The following WDPCP variants were observed in gnomAD, a reference collection of about 807,000 sequenced individuals.
WDPCP encodes the protein WD repeat-containing and planar cell polarity effector protein fritz homolog.
A neutral mutation model predicts 93.1 loss-of-function variants in WDPCP; 71 were observed. The observed-to-expected ratio is 0.76, with a 90% CI of 0.63 to 0.93. The LOEUF (loss-of-function observed/expected upper bound fraction) is 0.93. WDPCP is among the 40% of genes least tolerant of loss of function. The probability of loss-of-function intolerance (pLI) is 0.00; values close to 1 mark genes in which losing one functional copy is unlikely to be tolerated. For synonymous variants in WDPCP, 315 were observed against 315.0 expected (o/e 1.00, Z 0.00); for missense variants, 844 against 887.4 (o/e 0.95, Z 0.62).
At chr2:63,548,458 T>C (rs1705318687) in intron 1 of WDPCP, among the ~76,000 whole-genome samples, 1 of 150,904 alleles carries the variant, frequency 6.6e-6, no homozygotes, top group Non-Finnish European at 1.5e-5. Flanking sequence ...TGAATGGCAA[T>C]CAGAAAAAAA....
In WDPCP at chr2:63,323,636, T is replaced by C. The variant is rs537875913; in HGVS notation, c.1749-10325A>G. On this transcript the variant is annotated intron_variant, in intron 12 of 17. Transcript: ENST00000272321. ...GGCATAACATCTTTATAGGACATGG[T>C]TAAGGTCCCAATACTAACAGGTGAA... 4.6e-5 allele frequency among the ~76,000 whole-genome samples: 7 copies of C among 152,262 alleles called. No homozygotes were observed. The South Asian group carries it at 1.5e-3, about 32-fold the overall frequency.
At chr2:63,255,881 A>G (rs932337371) in intron 14 of WDPCP, among the ~76,000 whole-genome samples, 2 of 152,098 alleles carry the variant, frequency 1.3e-5, no homozygotes, top group African/African-American at 4.8e-5. Flanking sequence ...ACAACAGTCA[A>G]TTGTATATAT....
At chr2:63,679,201 G>A (rs953948498) in intron 2 of WDPCP, among the ~76,000 whole-genome samples, 3 of 152,102 alleles carry the variant, frequency 2.0e-5, no homozygotes, top group African/African-American at 4.8e-5. Flanking sequence ...TTGGTTTAGA[G>A]GGAGTCATCC....
intron 2 of WDPCP, among the ~76,000 whole-genome samples, chr2:63,736,237 G>T (rs898874227): frequency 6.6e-6 from 1 of 152,174 alleles, no homozygotes; most frequent in African/African-American, 2.4e-5. Context: ...TCAAAATAAA[G>T]TGACTCTTTT....
chr2:63,589,170 G>T, upstream of WDPCP: 1 of 1,610,428 alleles, frequency 6.2e-7, no homozygotes, highest in Non-Finnish European at 8.5e-7. Flanking sequence ...CCTTTGGCAA[G>T]CTCGGACTCA....
At chr2:63,561,520 A>G (rs1706622471) in intron 1 of WDPCP, among the ~76,000 whole-genome samples, 1 of 152,042 alleles carries the variant, frequency 6.6e-6, no homozygotes, top group Non-Finnish European at 1.5e-5. Context: ...CAAAAGCAAA[A>G]ATTGACAAAT....
intron 1 of WDPCP, among the ~76,000 whole-genome samples, chr2:63,512,639 G>A (rs191862265): frequency 1.5e-3 from 225 of 152,166 alleles, no homozygotes; most frequent in Non-Finnish European, 2.6e-3. Flanking sequence ...AACTAACACA[G>A]CAAAAGAAAA....
chr2:63,216,625 G>C (rs1404628125), intron 14 of WDPCP, among the ~76,000 whole-genome samples: 2 of 151,736 alleles, frequency 1.3e-5, no homozygotes, highest in African/African-American at 2.4e-5. Flanking sequence ...GAGTTAATGG[G>C]TGCAGCACAC....
At chr2:63,821,134 A>G (rs1385469293) in intron 1 of WDPCP, among the ~76,000 whole-genome samples, 1 of 152,146 alleles carries the variant, frequency 6.6e-6, no homozygotes. Context: ...TGAGGAGTTC[A>G]CAGTTCTTCT....
rs377087864 is a variant in WDPCP, at chr2:63,287,238, T to C, written c.1812+26010A>G. On this transcript the variant is annotated intron_variant, in intron 13 of 17. Transcript: ENST00000272321. ...ATATAGTCACATTGAAGGTCAGGGC[T>C]TCAACATATGAACTGGGGAAGGGTG... is the stretch of plus-strand genomic sequence containing the variant. Among the ~76,000 whole-genome samples, 9 of 152,292 alleles carry C rather than the reference T, an allele frequency of 5.9e-5. No individual in the cohort carries two copies. In the South Asian group the frequency reaches 1.9e-3, roughly 32 times the overall value.
intron 2 of WDPCP, among the ~76,000 whole-genome samples, chr2:63,691,557 C>T (rs1429918273): frequency 1.3e-5 from 2 of 152,050 alleles, no homozygotes; most frequent in African/African-American, 2.4e-5. Context: ...ATCGCTTGAA[C>T]CTGGGGGGCG....
chr2:63,389,766 C>G (rs1044341295), intron 10 of WDPCP, among the ~76,000 whole-genome samples: 1 of 152,092 alleles, frequency 6.6e-6, no homozygotes, highest in East Asian at 1.9e-4. Flanking sequence ...ATAAAATAGA[C>G]TTTAAACCAA....
At chr2:63,540,005 A>G (rs1704590871) in intron 1 of WDPCP, among the ~76,000 whole-genome samples, 1 of 152,210 alleles carries the variant, frequency 6.6e-6, no homozygotes. Context: ...AGAGCTATGC[A>G]ATGAATAGTC....
At chr2:63,703,434 T>C (rs1173306912) in intron 2 of WDPCP, among the ~76,000 whole-genome samples, 2 of 152,220 alleles carry the variant, frequency 1.3e-5, no homozygotes, top group Admixed American at 1.3e-4. Context: ...TGAGATGGTA[T>C]CTCATTGTGG....
chr2:63,807,992 A>G (rs1341630462), intron 2 of WDPCP, among the ~76,000 whole-genome samples: 1 of 152,246 alleles, frequency 6.6e-6, no homozygotes, highest in Non-Finnish European at 1.5e-5. Flanking sequence ...GATTCATATG[A>G]TAGATATTCA....
chr2:63,818,868 G>A (rs1041808834), intron 1 of WDPCP, among the ~76,000 whole-genome samples: 3 of 152,156 alleles, frequency 2.0e-5, no homozygotes, highest in African/African-American at 4.8e-5. Context: ...GCATATATGA[G>A]CTTCTGGGGC....
At chr2:63,176,928 T>C (rs987865153) in intron 14 of WDPCP, among the ~76,000 whole-genome samples, 1 of 152,202 alleles carries the variant, frequency 6.6e-6, no homozygotes, top group African/African-American at 2.4e-5. Flanking sequence ...TTTGAGTTAA[T>C]TTTTGTTTGT....
chr2:63,429,974 TATACAC>T (rs1266306376), intron 9 of WDPCP, among the ~76,000 whole-genome samples: 26 of 108,270 alleles, frequency 2.4e-4, no homozygotes, highest in African/African-American at 9.2e-4. Flanking sequence ...AAGAAAATGT[TATACAC>T]ACACACACAC....
chr2:63,531,333 G>C (rs1372333710), intron 1 of WDPCP, among the ~76,000 whole-genome samples: 1 of 152,222 alleles, frequency 6.6e-6, no homozygotes, highest in East Asian at 1.9e-4. Flanking sequence ...GATTTGAAGA[G>C]AGCAGTGGTT....
Sources: allele counts gnomAD v4.1 joint callset (sites outside exome capture counted in the v4.1 genomes callset), GRCh38; gene constraint gnomAD v4.1.1; transcripts MANE v1.5; gene names NCBI Gene and HGNC (gene_info 2026-07-23, HGNC 2026-07-21).